The following MCTP1 variants were observed in gnomAD, a reference collection of about 807,000 sequenced individuals.
The protein encoded by MCTP1 is multiple C2 and transmembrane domain containing 1.
A neutral mutation model predicts 120.6 loss-of-function variants in MCTP1; 69 were observed. That is an observed-to-expected ratio of 0.57 (90% confidence interval 0.47 to 0.70). MCTP1 has a LOEUF of 0.70. Ranked by LOEUF, MCTP1 falls within the 30% of genes least tolerant of loss-of-function variation. The probability of loss-of-function intolerance (pLI) is 0.00; values close to 1 mark genes in which losing one functional copy is unlikely to be tolerated. For missense variants in MCTP1, 1,203 were observed against 1,248.8 expected, an observed-to-expected ratio of 0.96 and a Z score of 0.55; for synonymous variants, 529 against 493.1, an observed-to-expected ratio of 1.07 and a Z score of -0.96.
At position 94,719,370 on chromosome 5, in the gene MCTP1, T is replaced by C. The variant is rs184300117; in HGVS notation, c.2611-4484A>G. On this transcript the variant is annotated intron_variant, in intron 19 of 22. Transcript: ENST00000515393. ...AAGATACATGCACATGTATGTTAAT[T>C]GCAGACTATTCACAAAAGCAAAGAC... 7.2e-4 allele frequency among the ~76,000 whole-genome samples: 109 copies of C among 152,312 alleles called. No individual in the cohort carries two copies. The Middle Eastern group carries it at 0.014, about 19-fold the overall frequency.
intron 1 of MCTP1, among the ~76,000 whole-genome samples, chr5:95,164,726 C>G (rs1746124906): frequency 6.6e-6 from 1 of 152,082 alleles, no homozygotes; most frequent in Non-Finnish European, 1.5e-5. Flanking sequence ...ACTGGGTATA[C>G]TGTATTTTTA....
At chr5:95,015,522 G>A (rs992301570) in intron 2 of MCTP1, among the ~76,000 whole-genome samples, 11 of 151,920 alleles carry the variant, frequency 7.2e-5, no homozygotes, top group African/African-American at 2.4e-4. Flanking sequence ...GTATGTTACC[G>A]ATTTCATTAG....
intron 2 of MCTP1, among the ~76,000 whole-genome samples, chr5:95,015,217 C>T (rs183383642): frequency 1.4e-4 from 22 of 152,054 alleles, no homozygotes; most frequent in African/African-American, 4.1e-4. Flanking sequence ...GGTCTGGAAC[C>T]GAACCTGCAA....
chr5:94,783,410 T>C (rs1487876195), intron 18 of MCTP1, among the ~76,000 whole-genome samples: 1 of 152,136 alleles, frequency 6.6e-6, no homozygotes, highest in Non-Finnish European at 1.5e-5. Flanking sequence ...CTCGTACTGT[T>C]ACAAGACTTC....
At chr5:94,966,833 C>A (rs1581617166) in intron 2 of MCTP1, among the ~76,000 whole-genome samples, 1 of 150,948 alleles carries the variant, frequency 6.6e-6, no homozygotes, top group Non-Finnish European at 1.5e-5. Context: ...TGTGGCAGGG[C>A]CCAAACTCAA....
At chr5:94,964,917 ATAGT>A (rs1216791462) in intron 2 of MCTP1, among the ~76,000 whole-genome samples, 2 of 152,112 alleles carry the variant, frequency 1.3e-5, no homozygotes, top group African/African-American at 4.8e-5. Flanking sequence ...ATCCTTTGCT[ATAGT>A]TATTTTTAAT....
rs1275201685 is a variant in MCTP1, at chr5:94,714,884, G to A, written c.2613C>T (p.Asp871=). The A allele has an allele frequency of 1.3e-6, 2 of 1,577,438 alleles. No homozygotes were observed. Among genetic ancestry groups the A allele is most frequent in the South Asian group, 1.1e-5 (1 of 89,868 alleles). ...TATTTATAAATCCCTTTTTTTCACT[G>A]TCCTAAAATGCAATAAAAAAGAAAT... ...EEEEDDKDDK[D]SEKKGFINKI... The change falls in exon 20 of 23, where the codon GAC becomes GAT. Residue 871 remains aspartate, a splice_region_variant and synonymous_variant. Coordinates refer to ENST00000515393, the MANE Select transcript of MCTP1 (RefSeq NM_024717.7).
At chr5:94,710,250 C>T (rs1580195401) in intron 21 of MCTP1, 1 of 152,182 alleles carries the variant, frequency 6.6e-6, no homozygotes, top group South Asian at 2.1e-4. Context: ...AGCATAGTTG[C>T]ATTAAAAATT....
At chr5:94,963,319 C>G (rs1229810665) in intron 2 of MCTP1, among the ~76,000 whole-genome samples, 3 of 150,562 alleles carry the variant, frequency 2.0e-5, no homozygotes, top group African/African-American at 7.3e-5. Context: ...GGATAAATAC[C>G]CAGAAATGAG....
intron 2 of MCTP1, among the ~76,000 whole-genome samples, chr5:95,002,230 G>C (rs186703883): frequency 6.6e-6 from 1 of 152,210 alleles, no homozygotes; most frequent in African/African-American, 2.4e-5. Context: ...AGTCTTCCTG[G>C]AGAACCTCTG....
chr5:94,972,089 C>T (rs1303001111), intron 2 of MCTP1, among the ~76,000 whole-genome samples: 1 of 152,056 alleles, frequency 6.6e-6, no homozygotes, highest in Non-Finnish European at 1.5e-5. Context: ...TCAAACCCAT[C>T]CTCTAAGTCC....
At chr5:95,221,984 T>C (rs940378453) in intron 1 of MCTP1, among the ~76,000 whole-genome samples, 4 of 152,250 alleles carry the variant, frequency 2.6e-5, no homozygotes, top group African/African-American at 9.6e-5. Flanking sequence ...CACTTTTATG[T>C]ATCTGTCAGA....
intron 1 of MCTP1, among the ~76,000 whole-genome samples, chr5:95,183,843 G>T (rs889915095): frequency 1.3e-5 from 2 of 152,210 alleles, no homozygotes; most frequent in African/African-American, 4.8e-5. Flanking sequence ...AAAGAAGGGT[G>T]AAGAGCAACT....
At chr5:95,263,259 A>C (rs1261664650) in intron 1 of MCTP1, among the ~76,000 whole-genome samples, 1 of 152,230 alleles carries the variant, frequency 6.6e-6, no homozygotes, top group African/African-American at 2.4e-5. Flanking sequence ...CATGAGGGAC[A>C]GGACGGTGGC....
At chr5:95,038,048 T>A (rs1841664457) in intron 1 of MCTP1, 1 of 772,242 alleles carries the variant, frequency 1.3e-6, no homozygotes, top group South Asian at 5.8e-5. Context: ...CATTTACATA[T>A]GAGTTTAAAA....
At chr5:95,112,541 T>C (rs1292744930) in intron 1 of MCTP1, among the ~76,000 whole-genome samples, 1 of 152,204 alleles carries the variant, frequency 6.6e-6, no homozygotes, top group Non-Finnish European at 1.5e-5. Flanking sequence ...AACTTCTTCC[T>C]CATTTATTTA....
intron 11 of MCTP1, among the ~76,000 whole-genome samples, chr5:94,891,619 C>T (rs1456070987): frequency 6.6e-6 from 1 of 152,090 alleles, no homozygotes; most frequent in Non-Finnish European, 1.5e-5. Context: ...GGCTCTGATC[C>T]TCTGCTTCCC....
intron 2 of MCTP1, among the ~76,000 whole-genome samples, chr5:94,995,246 G>A (rs1273938845): frequency 6.6e-6 from 1 of 152,128 alleles, no homozygotes; most frequent in Admixed American, 6.6e-5. Flanking sequence ...TCACATAGAA[G>A]GTTTCTTAAA....
chr5:95,224,661 C>A (rs1582586572), intron 1 of MCTP1, among the ~76,000 whole-genome samples: 1 of 152,234 alleles, frequency 6.6e-6, no homozygotes, highest in East Asian at 1.9e-4. Context: ...GAATGCACCA[C>A]CACATTCAGC....
Sources: allele counts gnomAD v4.1 joint callset (sites outside exome capture counted in the v4.1 genomes callset), GRCh38; gene constraint gnomAD v4.1.1; transcripts MANE v1.5; gene names NCBI Gene and HGNC (gene_info 2026-07-23, HGNC 2026-07-21).